The following STAG2 variants were observed in gnomAD, a reference collection of about 807,000 sequenced individuals.
STAG2 encodes the protein STAG2 cohesin complex component.
In STAG2, 14 loss-of-function variants were observed where a neutral mutation model predicts 108.1. The observed-to-expected ratio is 0.13, with a 90% CI of 0.09 to 0.20. STAG2 has a LOEUF of 0.20. Ranked by LOEUF, STAG2 falls within the 10% of genes least tolerant of loss-of-function variation. The probability of loss-of-function intolerance (pLI) is 1.00; values close to 1 mark genes in which losing one functional copy is unlikely to be tolerated. For synonymous variants in STAG2, 307 were observed against 302.7 expected (o/e 1.01, Z -0.15); for missense variants, 440 against 940.9 (o/e 0.47, Z 6.96).
At chrX:124,072,278 A>G (rs771392176) in intron 25 of STAG2, among the ~76,000 whole-genome samples, 5 of 111,846 alleles carry the variant, frequency 4.5e-5, no homozygotes, top group African/African-American at 6.5e-5. Context: ...CTGTGAAGTT[A>G]AAACTTAAAG....
At chrX:124,078,654 A>G (rs1401741120) in intron 27 of STAG2, among the ~76,000 whole-genome samples, 2 of 111,273 alleles carry the variant, frequency 1.8e-5, no homozygotes, top group African/African-American at 6.5e-5. Flanking sequence ...TTGTGAGCAT[A>G]TATTAATTTT....
chrX:124,057,389 T>C (rs1339830152), intron 14 of STAG2, among the ~76,000 whole-genome samples: 1 of 112,364 alleles, frequency 8.9e-6, no homozygotes, highest in African/African-American at 3.2e-5. Flanking sequence ...TGCTGTTTAG[T>C]GTTAATTCTC....
intron 6 of STAG2, among the ~76,000 whole-genome samples, chrX:124,039,348 G>A (rs767585514): frequency 9.2e-6 from 1 of 109,126 alleles, no homozygotes; most frequent in Non-Finnish European, 1.9e-5. Context: ...TTTATTTTTT[G>A]TGGACATGGG....
At chrX:124,024,495 A>G (rs955372863) in intron 3 of STAG2, among the ~76,000 whole-genome samples, 1 of 110,953 alleles carries the variant, frequency 9.0e-6, no homozygotes, top group Non-Finnish European at 1.9e-5. Flanking sequence ...TTTTTGGTGC[A>G]TTAACTCTAG....
At chrX:124,012,502 C>T (rs1266970086) in intron 1 of STAG2, among the ~76,000 whole-genome samples, 1 of 111,808 alleles carries the variant, frequency 8.9e-6, no homozygotes, top group African/African-American at 3.2e-5. Context: ...TATTTGATTT[C>T]TGAACTTGAA....
intron 30 of STAG2, among the ~76,000 whole-genome samples, chrX:124,088,614 T>C (rs921030122): frequency 3.0e-5 from 2 of 66,284 alleles, no homozygotes; most frequent in Non-Finnish European, 6.5e-5. Flanking sequence ...ATATGTATAA[T>C]CTTTTTTTTT....
At position 124,084,464 on chromosome X, in the gene STAG2, G is replaced by A. The variant is rs1336714171; in HGVS notation, c.3053+915G>A. On this transcript the variant is annotated intron_variant, in intron 29 of 34. Coordinates refer to ENST00000371145, the MANE Select transcript of STAG2 (RefSeq NM_001042750.2). ...CTCCTGCGTAGGTGGGATTACAGGC[G>A]TGCACCACCATGCCCGGCTAATTTT... 5.4e-5 allele frequency among the ~76,000 whole-genome samples: 6 copies of A among 110,327 alleles called. No homozygotes were observed. In the East Asian group the frequency reaches 8.5e-4, roughly 16 times the overall value.
intron 19 of STAG2, among the ~76,000 whole-genome samples, chrX:124,063,517 C>G (rs2058441038): frequency 9.0e-6 from 1 of 110,827 alleles, no homozygotes; most frequent in African/African-American, 3.3e-5. Context: ...GGTGGTATGG[C>G]CATAGACGAT....
intron 1 of STAG2, among the ~76,000 whole-genome samples, chrX:123,964,693 G>T (rs2054013408): frequency 9.5e-6 from 1 of 105,041 alleles, no homozygotes; most frequent in Non-Finnish European, 1.9e-5. Context: ...AGGTGTATCA[G>T]AGACTGGCAG....
intron 29 of STAG2, among the ~76,000 whole-genome samples, chrX:124,086,156 G>GAA (rs35923936): frequency 8.6e-5 from 9 of 104,506 alleles, no homozygotes; most frequent in East Asian, 3.0e-4. Context: ...GGAACCTGAG[G>GAA]AAAAAAAAAA....
intron 11 of STAG2, 82 bp downstream of exon 11, chrX:124,050,391 A>G: frequency 1.0e-6 from 1 of 984,426 alleles, no homozygotes; most frequent in Non-Finnish European, 1.3e-6. Flanking sequence ...ATCTCCCAGT[A>G]TGTATACCTG....
intron 1 of STAG2, among the ~76,000 whole-genome samples, chrX:124,016,670 A>G (rs956598368): frequency 9.0e-6 from 1 of 111,137 alleles, no homozygotes; most frequent in Non-Finnish European, 1.9e-5. Context: ...TTTTCTTTTA[A>G]AATTATATGT....
At chrX:124,083,068 G>A (rs1161673014) in intron 28 of STAG2, among the ~76,000 whole-genome samples, 1 of 111,145 alleles carries the variant, frequency 9.0e-6, no homozygotes, top group Non-Finnish European at 1.9e-5. Flanking sequence ...TCTCCTTTAT[G>A]TCTTGAAAAA....
At chrX:124,007,439 G>C (rs1328887658) in intron 1 of STAG2, among the ~76,000 whole-genome samples, 1 of 106,683 alleles carries the variant, frequency 9.4e-6, no homozygotes, top group Non-Finnish European at 2.0e-5. Flanking sequence ...TGATGTACAT[G>C]ATTAGGTTTT....
intron 1 of STAG2, among the ~76,000 whole-genome samples, chrX:124,001,461 T>C (rs1415847543): frequency 1.8e-5 from 2 of 111,752 alleles, no homozygotes; most frequent in Admixed American, 1.9e-4. Flanking sequence ...TAGTGTCTAG[T>C]AATGTCCTAG....
intron 1 of STAG2, among the ~76,000 whole-genome samples, chrX:123,968,649 A>C (rs2054214200): frequency 1.8e-5 from 2 of 112,185 alleles, no homozygotes; most frequent in Non-Finnish European, 3.8e-5. Context: ...CAAAAGAGTA[A>C]GACCCTATCT....
At chrX:123,990,831 C>T (rs769311836) in intron 1 of STAG2, among the ~76,000 whole-genome samples, 5 of 112,001 alleles carry the variant, frequency 4.5e-5, no homozygotes, top group Admixed American at 3.8e-4. Context: ...TCTTAGTTCC[C>T]TGGGGACACC....
At chrX:123,972,755 A>G (rs773424531) in intron 1 of STAG2, among the ~76,000 whole-genome samples, 1 of 102,134 alleles carries the variant, frequency 9.8e-6, no homozygotes, top group Admixed American at 1.1e-4. Context: ...TAGGTGGCTC[A>G]TGCCTGTATT....
intron 13 of STAG2, 103 bp downstream of exon 13, chrX:124,051,497 A>T (rs1372567333): frequency 1.9e-6 from 1 of 526,363 alleles, no homozygotes; most frequent in Non-Finnish European, 2.9e-6. Flanking sequence ...TTAGTAGCTT[A>T]CGTCATGGAG....
Sources: allele counts gnomAD v4.1 joint callset (sites outside exome capture counted in the v4.1 genomes callset), GRCh38; gene constraint gnomAD v4.1.1; transcripts MANE v1.5; gene names NCBI Gene and HGNC (gene_info 2026-07-23, HGNC 2026-07-21).